Variants in SLC71A2 observed in about 807,000 individuals in gnomAD.
SLC71A2 encodes the protein solute carrier family 71 member 2, also known as hippocampus abundant transcript-like 1.
the SLC71A2 span, chr9:94,459,410 T>A: frequency 6.2e-7 from 1 of 1,613,438 alleles, no homozygotes; most frequent in Admixed American, 1.7e-5. Flanking sequence ...CACTGAGCTG[T>A]AAACTCGGCA....
At chr9:94,385,023 T>A in the SLC71A2 span, among the ~76,000 whole-genome samples, 1 of 151,862 alleles carries the variant, frequency 6.6e-6, no homozygotes, top group African/African-American at 2.4e-5. Context: ...CAGATGCTGT[T>A]CCCTCTCTCT....
the SLC71A2 span, among the ~76,000 whole-genome samples, chr9:94,383,363 A>G: frequency 6.6e-6 from 1 of 151,670 alleles, no homozygotes; most frequent in East Asian, 1.9e-4. Flanking sequence ...GGGTTTTACC[A>G]TGTTGGCCAG....
chr9:94,390,145 C>T, the SLC71A2 span, among the ~76,000 whole-genome samples: 2 of 152,038 alleles, frequency 1.3e-5, no homozygotes, highest in Admixed American at 1.3e-4. Flanking sequence ...ACCCAGGAGG[C>T]GGAGCTTGCA....
the SLC71A2 span, chr9:94,440,998 A>G: frequency 1.2e-6 from 2 of 1,608,932 alleles, no homozygotes; most frequent in African/African-American, 1.3e-5. Flanking sequence ...GTATTTTGCG[A>G]TGATTTCTGT....
At chr9:94,418,108 G>A in the SLC71A2 span, among the ~76,000 whole-genome samples, 3 of 152,196 alleles carry the variant, frequency 2.0e-5, no homozygotes, top group Admixed American at 6.5e-5. Flanking sequence ...TGATCCGCCC[G>A]CCTCGGGCTC....
chr9:94,451,452 A>T, the SLC71A2 span: 1 of 1,485,128 alleles, frequency 6.7e-7, no homozygotes. Flanking sequence ...TTTCATTTCC[A>T]TAGGTCATAG....
At chr9:94,409,170 A>G in the SLC71A2 span, among the ~76,000 whole-genome samples, 5 of 76,440 alleles carry the variant, frequency 6.5e-5, no homozygotes, top group Middle Eastern at 0.013. Context: ...GCAAGGTTTC[A>G]CTCCCTTCTC....
the SLC71A2 span, among the ~76,000 whole-genome samples, chr9:94,399,652 G>A: frequency 2.6e-5 from 4 of 152,098 alleles, no homozygotes; most frequent in South Asian, 2.1e-4. Flanking sequence ...AGCATACATG[G>A]TTCCAGAATT....
chr9:94,391,741 C>T, the SLC71A2 span, among the ~76,000 whole-genome samples: 145,122 of 148,156 alleles, frequency 0.98, 71,086 homozygotes, highest in East Asian at 1. Context: ...TACAAAAAAT[C>T]AGCCAGGTGT....
chr9:94,455,156 C>CTTTTTTTTTTTTTTTTTTTT, the SLC71A2 span, among the ~76,000 whole-genome samples: 1 of 27,686 alleles, frequency 3.6e-5, no homozygotes. Context: ...TTGCTCTTTC[C>CTTTTTTTTTTTTTTTTTTTT]TTTTTTTTTT....
the SLC71A2 span, among the ~76,000 whole-genome samples, chr9:94,454,493 G>A: frequency 2.0e-5 from 3 of 150,618 alleles, no homozygotes; most frequent in African/African-American, 5.0e-5. Flanking sequence ...TCAGGCTCCT[G>A]AGTAGCTAGG....
chr9:94,438,063 G>A, the SLC71A2 span, among the ~76,000 whole-genome samples: 2 of 152,074 alleles, frequency 1.3e-5, no homozygotes, highest in Non-Finnish European at 2.9e-5. Flanking sequence ...TGAGTAGCTG[G>A]GATTACAGGC....
the SLC71A2 span, among the ~76,000 whole-genome samples, chr9:94,432,290 T>A: frequency 1.3e-5 from 2 of 151,646 alleles, no homozygotes; most frequent in Non-Finnish European, 2.9e-5. Flanking sequence ...CACCTGAGGT[T>A]GGGAGTTTGA....
At chr9:94,383,350 A>G in the SLC71A2 span, among the ~76,000 whole-genome samples, 1 of 151,620 alleles carries the variant, frequency 6.6e-6, no homozygotes, top group Non-Finnish European at 1.5e-5. Flanking sequence ...TTTAATAGAG[A>G]CAGGGTTTTA....
At chr9:94,389,142 C>T in the SLC71A2 span, among the ~76,000 whole-genome samples, 1 of 151,598 alleles carries the variant, frequency 6.6e-6, no homozygotes, top group Admixed American at 6.6e-5. Flanking sequence ...TAATAGTTAG[C>T]AGCAGAGCCA....
the SLC71A2 span, among the ~76,000 whole-genome samples, chr9:94,381,771 G>C: frequency 6.6e-6 from 1 of 152,172 alleles, no homozygotes; most frequent in Non-Finnish European, 1.5e-5. Context: ...AGGGATTTGA[G>C]ACCAGCCTGG....
At chr9:94,458,207 T>C in the SLC71A2 span, 3 of 754,434 alleles carry the variant, frequency 4.0e-6, no homozygotes, top group Non-Finnish European at 4.1e-6. Flanking sequence ...ATGCTTTCTC[T>C]TTTCCTCAGT....
At chr9:94,389,076 C>T in the SLC71A2 span, among the ~76,000 whole-genome samples, 1 of 151,702 alleles carries the variant, frequency 6.6e-6, no homozygotes, top group Admixed American at 6.6e-5. Context: ...CTAGTTTTCT[C>T]AGTATATGTA....
the SLC71A2 span, among the ~76,000 whole-genome samples, chr9:94,402,228 C>A: frequency 8.3e-4 from 127 of 152,298 alleles, 1 homozygote; most frequent in African/African-American, 3.0e-3. Context: ...AGCTCCTATT[C>A]AAGATGGAGT....
Sources: gnomAD v4.1 joint callset for allele counts (sites outside exome capture counted in the v4.1 genomes callset) on GRCh38, gnomAD v4.1.1 for gene constraint, MANE v1.5 for transcripts, NCBI Gene and HGNC (gene_info 2026-07-23, HGNC 2026-07-21) for gene names.